The following FHIT variants were observed in gnomAD, a reference collection of about 807,000 sequenced individuals.
FHIT encodes the protein bis(5'-adenosyl)-triphosphatase.
A neutral mutation model predicts 17.9 loss-of-function variants in FHIT; 19 were observed. The ratio of observed to expected loss-of-function variants is 1.06; its 90% confidence interval spans 0.74 to 1.56. FHIT has a LOEUF of 1.56. FHIT is among the 40% of genes most tolerant of loss of function. FHIT has a pLI of 0.00. For synonymous variants in FHIT, 81 were observed against 69.7 expected (o/e 1.16, Z -0.81); for missense variants, 248 against 189.2 (o/e 1.31, Z -1.82).
chr3:61,032,337 T>C (rs1433056711), intron 3 of FHIT, among the ~76,000 whole-genome samples: 2 of 152,134 alleles, frequency 1.3e-5, no homozygotes, highest in Non-Finnish European at 2.9e-5. Flanking sequence ...TGGGAAGGAT[T>C]CAGAGACTGT....
chr3:60,255,711 TC>T (rs1705954187), intron 5 of FHIT, among the ~76,000 whole-genome samples: 1 of 152,100 alleles, frequency 6.6e-6, no homozygotes, highest in Admixed American at 6.5e-5. Flanking sequence ...GTCAGTGGCC[TC>T]CAGGAGGAAC....
At chr3:59,975,156 A>G (rs1708353529) in intron 7 of FHIT, among the ~76,000 whole-genome samples, 1 of 152,132 alleles carries the variant, frequency 6.6e-6, no homozygotes, top group South Asian at 2.1e-4. Flanking sequence ...TCTCTCTGAG[A>G]TTATTTGCTG....
chr3:60,438,684 T>C (rs930385941), intron 5 of FHIT, among the ~76,000 whole-genome samples: 22 of 152,166 alleles, frequency 1.4e-4, no homozygotes, highest in African/African-American at 5.1e-4. Context: ...AAGAGAACTA[T>C]TCCTGTTTAA....
chr3:61,133,395 A>G lies in FHIT; in HGVS notation c.-164+67222T>C, dbSNP rs750923856. Among the ~76,000 whole-genome samples, 66 of 152,212 alleles carry G rather than the reference A, an allele frequency of 4.3e-4. 1 individual carries two copies. Among genetic ancestry groups the G allele is most frequent in the Non-Finnish European group, 1.5e-5 (1 of 68,034 alleles). Reference sequence around the variant, plus strand: ...GAAGGCACTTAAGGATCACATAAAGACTTCTATACTGCAATGCCAGGTAGC... The same window carrying G: ...GAAGGCACTTAAGGATCACATAAAGGCTTCTATACTGCAATGCCAGGTAGC... On this transcript the variant is annotated intron_variant, in intron 2 of 9. Transcript: ENST00000492590.
chr3:60,419,811 A>C (rs941953872), intron 5 of FHIT, among the ~76,000 whole-genome samples: 1 of 152,168 alleles, frequency 6.6e-6, no homozygotes, highest in Non-Finnish European at 1.5e-5. Context: ...AATTAGGTTC[A>C]GTTTCTTAAT....
intron 8 of FHIT, among the ~76,000 whole-genome samples, chr3:59,899,489 G>A (rs572879482): frequency 2.6e-5 from 4 of 152,130 alleles, no homozygotes; most frequent in Admixed American, 6.5e-5. Flanking sequence ...GCCTAGCTTC[G>A]TGCCAGTTAG....
chr3:59,861,571 T>C (rs1049516024), intron 8 of FHIT, among the ~76,000 whole-genome samples: 1 of 152,130 alleles, frequency 6.6e-6, no homozygotes, highest in African/African-American at 2.4e-5. Context: ...CTAAAAATAT[T>C]CCCTCCTTGA....
intron 5 of FHIT, among the ~76,000 whole-genome samples, chr3:60,493,317 A>G (rs1237953296): frequency 6.6e-6 from 1 of 152,218 alleles, no homozygotes; most frequent in Admixed American, 6.5e-5. Context: ...TCCTCTAATA[A>G]GTAGAATCAG....
intron 2 of FHIT, among the ~76,000 whole-genome samples, chr3:61,156,161 A>T (rs1365083054): frequency 6.6e-6 from 1 of 152,136 alleles, no homozygotes; most frequent in Non-Finnish European, 1.5e-5. Flanking sequence ...TCTGAAGTTC[A>T]CCCCATACGC....
intron 8 of FHIT, among the ~76,000 whole-genome samples, chr3:59,767,056 T>A (rs1701831530): frequency 6.6e-6 from 1 of 152,092 alleles, no homozygotes; most frequent in East Asian, 1.9e-4. Flanking sequence ...ACAACCCCGA[T>A]TAACTGTTCT....
At chr3:60,722,973 G>A (rs62249274) in intron 4 of FHIT, among the ~76,000 whole-genome samples, 7,870 of 151,928 alleles carry the variant, frequency 0.052, 294 homozygotes, top group African/African-American at 0.095. Flanking sequence ...TGCCCGCCTC[G>A]GCCTCCCAAA....
chr3:59,870,416 A>G (rs187992952), intron 8 of FHIT, among the ~76,000 whole-genome samples: 5 of 152,238 alleles, frequency 3.3e-5, no homozygotes, highest in Admixed American at 2.0e-4. Context: ...GTTTTGTTTC[A>G]CTCAGTTCAG....
chr3:60,640,703 G>C (rs1341610892), intron 4 of FHIT, among the ~76,000 whole-genome samples: 1 of 151,814 alleles, frequency 6.6e-6, no homozygotes, highest in African/African-American at 2.4e-5. Context: ...AAACTCAACT[G>C]AAAAAAATGT....
chr3:60,722,987 C>T (rs544798527), intron 4 of FHIT, among the ~76,000 whole-genome samples: 34 of 152,176 alleles, frequency 2.2e-4, no homozygotes, highest in African/African-American at 7.5e-4. Context: ...TCCCAAAGTG[C>T]TGGGATTACA....
rs530805310 is a variant in FHIT at position 60,184,742 on chromosome 3, A to G, written c.104-170590T>C. ...GAGCTAGGCTCCAGCTCCTTGCAGT[A>G]TTTATGAGAACTATCCGGAATTCTG... On this transcript the variant is annotated intron_variant, in intron 5 of 9. Transcript: ENST00000492590. Among the ~76,000 whole-genome samples the G allele has an allele frequency of 2.0e-5, 3 of 152,342 alleles. No homozygotes were observed. The South Asian group carries it at 6.2e-4, about 32-fold the overall frequency.
At chr3:60,159,162 C>A (rs1443245001) in intron 5 of FHIT, among the ~76,000 whole-genome samples, 1 of 151,958 alleles carries the variant, frequency 6.6e-6, no homozygotes, top group Non-Finnish European at 1.5e-5. Flanking sequence ...ACTTTGTTGC[C>A]CAGGCGGGAG....
At chr3:59,949,357 C>T (rs1259272746) in intron 7 of FHIT, among the ~76,000 whole-genome samples, 1 of 152,190 alleles carries the variant, frequency 6.6e-6, no homozygotes, top group African/African-American at 2.4e-5. Context: ...TGAACAGGCT[C>T]TATTTCTGAT....
At position 60,523,243 on chromosome 3, in the gene FHIT, T is replaced by C. The variant is rs72883945; in HGVS notation, c.103+13617A>G. Among the ~76,000 whole-genome samples the C allele has an allele frequency of 7.4e-3, 1,130 of 152,292 alleles. 20 individuals are homozygous for C. Among genetic ancestry groups the C allele is most frequent in the African/African-American group, 0.026 (1,062 of 41,568 alleles). On this transcript the variant is annotated intron_variant, in intron 5 of 9. Transcript: ENST00000492590. ...TCACTATCTCTAGCAAGTATATAAA[T>C]ATTTTATATCTATTTGATGCACTAA... is the stretch of plus-strand genomic sequence containing the variant.
At chr3:59,924,987 G>C (rs770291308) in intron 7 of FHIT, among the ~76,000 whole-genome samples, 130 of 152,132 alleles carry the variant, frequency 8.5e-4, no homozygotes, top group Non-Finnish European at 1.6e-3. Context: ...ACTGCATTAT[G>C]TGTAGACTCT....
Sources: gnomAD v4.1 joint callset for allele counts (sites outside exome capture counted in the v4.1 genomes callset) on GRCh38, gnomAD v4.1.1 for gene constraint, MANE v1.5 for transcripts, NCBI Gene and HGNC (gene_info 2026-07-23, HGNC 2026-07-21) for gene names.